EPB41L4A: variants seen among roughly 807,000 people sequenced by gnomAD.
EPB41L4A encodes the protein erythrocyte membrane protein band 4.1 like 4A.
EPB41L4A carries 100 observed loss-of-function variants against 108.6 expected under a neutral mutation model. That is an observed-to-expected ratio of 0.92 (90% CI 0.78 to 1.09). The LOEUF (loss-of-function observed/expected upper bound fraction) is 1.09. EPB41L4A is among the 50% of genes least tolerant of loss of function. The probability of loss-of-function intolerance (pLI) is 0.00; values close to 1 mark genes in which losing one functional copy is unlikely to be tolerated. For synonymous variants in EPB41L4A, 319 were observed against 289.0 expected, an observed-to-expected ratio of 1.10 and a Z score of -1.05; for missense variants, 1,030 against 842.7, an observed-to-expected ratio of 1.22 and a Z score of -2.75.
At chr5:112,217,876 T>C (rs1747763673) in intron 12 of EPB41L4A, among the ~76,000 whole-genome samples, 1 of 152,076 alleles carries the variant, frequency 6.6e-6, no homozygotes, top group Admixed American at 6.5e-5. Context: ...AGGAGAAAGA[T>C]GCTAGGAAAA....
intron 13 of EPB41L4A, among the ~76,000 whole-genome samples, chr5:112,145,711 A>G (rs1233122245): frequency 5.9e-5 from 9 of 152,192 alleles, no homozygotes; most frequent in African/African-American, 1.7e-4. Context: ...ATTCTATTTA[A>G]TTTCACATCA....
At chr5:112,347,000 G>A (rs1018118407) in intron 1 of EPB41L4A, among the ~76,000 whole-genome samples, 5 of 152,098 alleles carry the variant, frequency 3.3e-5, no homozygotes, top group African/African-American at 9.7e-5. Context: ...CAAACAGCCA[G>A]CTGTATATCT....
intron 2 of EPB41L4A, among the ~76,000 whole-genome samples, chr5:112,305,281 T>G (rs1450173492): frequency 3.9e-5 from 6 of 152,110 alleles, no homozygotes; most frequent in Non-Finnish European, 8.8e-5. Flanking sequence ...ATATTTACAG[T>G]CGGTGGTGCA....
chr5:112,338,376 C>T (rs1021481252), intron 1 of EPB41L4A, among the ~76,000 whole-genome samples: 3 of 152,130 alleles, frequency 2.0e-5, no homozygotes, highest in Non-Finnish European at 4.4e-5. Context: ...ACTCTTCTCT[C>T]GGCACTGTCT....
At chr5:112,325,545 T>C (rs1756096772) in intron 1 of EPB41L4A, among the ~76,000 whole-genome samples, 2 of 151,732 alleles carry the variant, frequency 1.3e-5, no homozygotes, top group South Asian at 4.2e-4. Context: ...TTTAAATGGG[T>C]GGTAAGAAGC....
Position 112,166,210 on chromosome 5 carries a change from C to T in EPB41L4A, c.1933-1092G>A, listed in dbSNP as rs568883732. On this transcript the variant is annotated intron_variant, in intron 22 of 22. Transcript: ENST00000261486. ...GCAAGGTGAGGTGTAAGGCAGGTCA[C>T]TGCCAGAACTCTGGTGGCATTGTGG... 6.0e-4 allele frequency among the ~76,000 whole-genome samples: 91 copies of T among 152,352 alleles called. 1 individual carries two copies. The South Asian group carries it at 0.016, about 26-fold the overall frequency.
intron 1 of EPB41L4A, among the ~76,000 whole-genome samples, chr5:112,346,609 T>G (rs1019744): frequency 0.66 from 100,928 of 152,038 alleles, 33,791 homozygotes; most frequent in South Asian, 0.82. Flanking sequence ...AAGTCAAACT[T>G]TGAGTATAGA....
chr5:112,350,113 A>G lies in EPB41L4A; in HGVS notation c.100-42623T>C, dbSNP rs961742449. On this transcript the variant is annotated intron_variant, in intron 1 of 22. Coordinates refer to ENST00000261486, the MANE Select transcript of EPB41L4A (RefSeq NM_022140.5). The stretch of plus-strand genomic sequence containing the variant: ...GTCTACAGAGTACTTGAAAAGTGTC[A>G]GGTATGACTGAGGGACTCAATCTTT... 2.7e-4 allele frequency among the ~76,000 whole-genome samples: 41 copies of G among 149,452 alleles called. 1 individual carries two copies. Among genetic ancestry groups the G allele is most frequent in the African/African-American group, 8.8e-4 (36 of 40,802 alleles).
downstream of EPB41L4A, chr5:112,161,498 C>A (rs1351165979): frequency 1.9e-6 from 1 of 519,020 alleles, no homozygotes; most frequent in African/African-American, 1.9e-5. Context: ...CTTTGTGTTG[C>A]CCATTCACTT....
intron 1 of EPB41L4A, among the ~76,000 whole-genome samples, chr5:112,387,205 G>A (rs1172590850): frequency 6.6e-6 from 1 of 152,244 alleles, no homozygotes; most frequent in Non-Finnish European, 1.5e-5. Context: ...ATGTAAGGCA[G>A]ATGCACGAAC....
chr5:112,168,624 T>C, intron 22 of EPB41L4A, 115 bp downstream of exon 22: 2 of 712,962 alleles, frequency 2.8e-6, no homozygotes, highest in Non-Finnish European at 4.8e-6. Flanking sequence ...AATCTCAGAA[T>C]GACATTAAGG....
At chr5:112,409,080 C>G (rs1561652991) in intron 1 of EPB41L4A, among the ~76,000 whole-genome samples, 1 of 152,004 alleles carries the variant, frequency 6.6e-6, no homozygotes, top group African/African-American at 2.4e-5. Context: ...GTAAAGAACC[C>G]AAAAGACCAT....
At chr5:112,223,701 C>T (rs964414950) in intron 12 of EPB41L4A, among the ~76,000 whole-genome samples, 8 of 152,110 alleles carry the variant, frequency 5.3e-5, no homozygotes, top group Non-Finnish European at 1.2e-4. Flanking sequence ...GTTCAAGAAA[C>T]GACTAGTCTA....
rs147617570 is a variant in EPB41L4A at position 112,256,711 on chromosome 5, C to CA, written c.795+2517dup. On this transcript the variant is annotated intron_variant, in intron 9 of 22. Transcript: ENST00000261486. ...ACAATATAAAATACAAAAGCATGTACAAAACCACATAGGGGATAATCTACA... is the reference window on the plus strand; with the variant it reads ...ACAATATAAAATACAAAAGCATGTACAAAAACCACATAGGGGATAATCTACA... 5.8e-3 allele frequency among the ~76,000 whole-genome samples: 875 copies of CA among 152,136 alleles called. 2 individuals carry two copies. Among genetic ancestry groups the CA allele is most frequent in the Middle Eastern group, 0.01 (3 of 294 alleles).
At position 112,308,921 on chromosome 5, in the gene EPB41L4A, T is replaced by C. The variant is rs144531277; in HGVS notation, c.100-1431A>G. On this transcript the variant is annotated intron_variant, in intron 1 of 22. Transcript: ENST00000261486. ...AAAGAGGGGAATAAAGGAAATGTTT[T>C]AATTTACATTTTCCTGACATTAATA... Among the ~76,000 whole-genome samples, 10 of 152,318 alleles carry C rather than the reference T, an allele frequency of 6.6e-5. No individual in the cohort carries two copies. In the East Asian group the frequency reaches 1.9e-3, roughly 29 times the overall value.
At chr5:112,151,974 C>T (rs557420865) in intron 12 of EPB41L4A, among the ~76,000 whole-genome samples, 5 of 152,214 alleles carry the variant, frequency 3.3e-5, no homozygotes, top group East Asian at 1.9e-4. Flanking sequence ...TCAAGTGATC[C>T]GCCCACCTCA....
intron 18 of EPB41L4A, among the ~76,000 whole-genome samples, chr5:112,177,100 A>AT (rs1057404329): frequency 1.4e-4 from 21 of 151,280 alleles, no homozygotes; most frequent in Non-Finnish European, 2.4e-4. Flanking sequence ...TATATATATA[A>AT]TTTTTTTTTC....
chr5:112,218,048 G>C (rs983285811), intron 12 of EPB41L4A, among the ~76,000 whole-genome samples: 5 of 152,122 alleles, frequency 3.3e-5, no homozygotes, highest in African/African-American at 1.2e-4. Context: ...CCTTCCCCCA[G>C]TGCTACAGAG....
At chr5:112,375,066 G>C (rs1759726069) in intron 1 of EPB41L4A, among the ~76,000 whole-genome samples, 1 of 152,264 alleles carries the variant, frequency 6.6e-6, no homozygotes, top group South Asian at 2.1e-4. Context: ...AGCAGGATCA[G>C]AATCTCCTAG....
Sources: gnomAD v4.1 joint callset for allele counts (sites outside exome capture counted in the v4.1 genomes callset) on GRCh38, gnomAD v4.1.1 for gene constraint, MANE v1.5 for transcripts, NCBI Gene and HGNC (gene_info 2026-07-23, HGNC 2026-07-21) for gene names.